The following MYT1L variants were observed in gnomAD, a reference collection of about 807,000 sequenced individuals.
MYT1L encodes myelin transcription factor 1-like protein.
In MYT1L, 12 loss-of-function variants were observed where a neutral mutation model predicts 126.7. The ratio of observed to expected loss-of-function variants is 0.09; its 90% CI spans 0.06 to 0.15. The LOEUF (loss-of-function observed/expected upper bound fraction) is 0.15. Among genes scored for constraint, MYT1L ranks in the 10% least tolerant of loss-of-function variants. The pLI, the probability that MYT1L is intolerant of heterozygous loss-of-function variation, is 1.00. For synonymous variants in MYT1L, 541 were observed against 604.2 expected, an observed-to-expected ratio of 0.90 and a Z score of 1.53; for missense variants, 979 against 1,585.2, an observed-to-expected ratio of 0.62 and a Z score of 6.49.
chr2:2,316,615 C>A (rs2096068442), intron 1 of MYT1L, among the ~76,000 whole-genome samples: 1 of 152,200 alleles, frequency 6.6e-6, no homozygotes, highest in East Asian at 1.9e-4. Flanking sequence ...TGCAGAGCTG[C>A]CACGGCACGT....
rs993346117 is a variant in MYT1L, at chr2:1,790,636, G to A, written c.*1231C>T. The A allele has an allele frequency of 1.3e-5, 2 of 152,020 alleles. No individual in the cohort carries two copies. Among genetic ancestry groups the A allele is most frequent in the Admixed American group, 1.3e-4 (2 of 15,300 alleles). 9.4% of individuals were successfully genotyped at this position (152,020 alleles called of 1,614,324 possible). On this transcript the variant is annotated 3_prime_UTR_variant, in exon 25 of 25. Coordinates refer to ENST00000647738, the MANE Select transcript of MYT1L (RefSeq NM_001303052.2). ...CTCCACCCAAGTGTAGAACAGAAACGTCGTGGTAAGAGTCCTCTGAATAGG... is the reference window on the plus strand; with the variant it reads ...CTCCACCCAAGTGTAGAACAGAAACATCGTGGTAAGAGTCCTCTGAATAGG...
chr2:2,000,607 C>T (rs1032723581), intron 4 of MYT1L, among the ~76,000 whole-genome samples: 4 of 152,158 alleles, frequency 2.6e-5, no homozygotes, highest in South Asian at 2.1e-4. Context: ...CCAATACAGC[C>T]GACTCCACAT....
rs554126661 is a variant in MYT1L at position 2,018,601 on chromosome 2, G to A, written c.-157-21254C>T. Among the ~76,000 whole-genome samples the A allele has an allele frequency of 6.6e-5, 10 of 152,296 alleles. No individual in the cohort carries two copies. The South Asian group carries it at 1.7e-3, about 25-fold the overall frequency. ...GATTCAGCCTTTCCTGCTCTCCGCCGTTTATGGCATGGTGCATGCTGCAAA... is the reference window on the plus strand; with the variant it reads ...GATTCAGCCTTTCCTGCTCTCCGCCATTTATGGCATGGTGCATGCTGCAAA... On this transcript the variant is annotated intron_variant, in intron 4 of 24. Transcript: ENST00000647738.
chr2:1,889,533 A>G lies in MYT1L; in HGVS notation c.2284-56T>C. 1.5e-6 allele frequency: 2 copies of G among 1,377,142 alleles called. No individual in the cohort carries two copies. Among genetic ancestry groups the G allele is most frequent in the Non-Finnish European group, 2.0e-6 (2 of 1,002,536 alleles). The allele number at this position is 1,377,142 out of a possible 1,614,324, so 85.3% of individuals were successfully genotyped here. On this transcript the variant is annotated intron_variant, in intron 15 of 24. Coordinates refer to ENST00000647738, the MANE Select transcript of MYT1L (RefSeq NM_001303052.2). This position sits in a 1 kb window ranked among gnomAD's most constrained non-coding sequence, Gnocchi z 4.1. ...TGGCCCGGCATCTTGTGACACCACG[A>G]GTCCTTCCTCCCAGATTACAGTCCT...
At chr2:1,859,427 T>A (rs1558781202) in intron 18 of MYT1L, among the ~76,000 whole-genome samples, 2 of 152,146 alleles carry the variant, frequency 1.3e-5, no homozygotes, top group Non-Finnish European at 2.9e-5. Flanking sequence ...CAGATGAGAT[T>A]TTGGAATGGG....
intron 2 of MYT1L, among the ~76,000 whole-genome samples, chr2:2,204,976 G>A (rs1276798486): frequency 6.6e-6 from 1 of 151,558 alleles, no homozygotes; most frequent in African/African-American, 2.4e-5. Flanking sequence ...CATGGATGAA[G>A]CTGGAAACCA....
chr2:1,791,310 CA>C lies in MYT1L; in HGVS notation c.*556del. The C allele has an allele frequency of 2.2e-6, 1 of 452,450 alleles. No individual in the cohort carries two copies. Among genetic ancestry groups the C allele is most frequent in the South Asian group, 1.7e-5 (1 of 60,134 alleles). The allele number at this position is 452,450 out of a possible 1,614,324, so 28.0% of individuals were successfully genotyped here. A position where few individuals can be genotyped will look rare whatever the true frequency, so the allele number is the denominator to read the frequency against. On this transcript the variant is annotated 3_prime_UTR_variant, in exon 25 of 25. Coordinates refer to ENST00000647738, the MANE Select transcript of MYT1L (RefSeq NM_001303052.2). The surrounding 1 kb of genome is among the most constrained non-coding windows in gnomAD (Gnocchi z 6.0). ...TCACATAATATTTCCAAGCATTGTT[CA>C]AAAATAAAGCATTTTTGCAACGAAT...
chr2:2,250,704 G>T (rs2094624352), intron 2 of MYT1L, among the ~76,000 whole-genome samples: 1 of 152,006 alleles, frequency 6.6e-6, no homozygotes, highest in South Asian at 2.1e-4. Flanking sequence ...TGAGGGGATG[G>T]ATACCCAATT....
chr2:1,920,746 G>A lies in MYT1L; in HGVS notation c.1483+1540C>T, dbSNP rs535111721. The stretch of plus-strand genomic sequence containing the variant: ...GATAATTTTAGCCCATCTTGTTAAC[G>A]ATGATGGCACTATAATTTTAAACAT... On this transcript the variant is annotated intron_variant, in intron 10 of 24. Coordinates refer to ENST00000647738, the MANE Select transcript of MYT1L (RefSeq NM_001303052.2). Among the ~76,000 whole-genome samples, 7 of 152,296 alleles carry A rather than the reference G, an allele frequency of 4.6e-5. No homozygotes were observed. In the South Asian group the frequency reaches 1.2e-3, roughly 27 times the overall value.
At chr2:2,050,393 G>A (rs915698674) in intron 4 of MYT1L, among the ~76,000 whole-genome samples, 1 of 151,982 alleles carries the variant, frequency 6.6e-6, no homozygotes, top group South Asian at 2.1e-4. Flanking sequence ...GTAGTTTTTC[G>A]GGAAACAGAT....
chr2:1,825,868 T>TTGAGTGTGGATG (rs1282156046), intron 21 of MYT1L: 2 of 152,310 alleles, frequency 1.3e-5, no homozygotes, highest in Non-Finnish European at 2.9e-5. Context: ...CGTGGGCCTC[T>TTGAGTGTGGATG]GTCCTTGAGT....
chr2:2,003,047 A>C (rs1196425223), intron 4 of MYT1L, among the ~76,000 whole-genome samples: 1 of 152,138 alleles, frequency 6.6e-6, no homozygotes, highest in Non-Finnish European at 1.5e-5. Context: ...AGAATGGACT[A>C]ATATACCTTG....
chr2:2,293,692 C>G (rs535959003), intron 1 of MYT1L, among the ~76,000 whole-genome samples: 2 of 152,322 alleles, frequency 1.3e-5, no homozygotes, highest in Admixed American at 1.3e-4. Flanking sequence ...CTGCCCTGGC[C>G]CTTCTGGGAA....
At chr2:2,145,589 A>G (rs1171868868) in intron 3 of MYT1L, among the ~76,000 whole-genome samples, 3 of 151,994 alleles carry the variant, frequency 2.0e-5, no homozygotes, top group African/African-American at 7.3e-5. Context: ...GGTGTGGGAA[A>G]GAAGGGAAGA....
At chr2:2,031,812 G>A (rs547918527) in intron 4 of MYT1L, among the ~76,000 whole-genome samples, 219 of 141,336 alleles carry the variant, frequency 1.5e-3, no homozygotes, top group African/African-American at 5.5e-3. Flanking sequence ...GCCCAGAGCA[G>A]ATTCTAGAAG....
chr2:1,989,383 G>C (rs1293603408), intron 5 of MYT1L, among the ~76,000 whole-genome samples: 1 of 152,088 alleles, frequency 6.6e-6, no homozygotes, highest in Non-Finnish European at 1.5e-5. Context: ...GAGAAACCCA[G>C]CCCAGGAGCT....
In MYT1L at chr2:1,889,330, G is replaced by A. The variant is rs2048543509; in HGVS notation, c.2431C>T (p.Leu811=). The A allele has an allele frequency of 6.2e-7, 1 of 1,613,928 alleles. No individual in the cohort carries two copies. Among genetic ancestry groups the A allele is most frequent in the Non-Finnish European group, 8.5e-7 (1 of 1,179,900 alleles). The change falls in exon 16 of 25, where the codon CTG becomes TTG. Residue 811 remains leucine (L), a synonymous_variant. Transcript: ENST00000647738. This position sits in a 1 kb window ranked among gnomAD's most constrained non-coding sequence, Gnocchi z 4.1. ...QAVMNNRCFQ[L]GEGDCWDLPV... is the part of the protein sequence containing the mutation. ...AAGTCCCAGCAGTCGCCCTCGCCCA[G>A]CTGGAAACACCGGTTGTTCATCACT...
intron 2 of MYT1L, among the ~76,000 whole-genome samples, chr2:2,280,333 C>A (rs1283440612): frequency 1.3e-5 from 2 of 152,150 alleles, no homozygotes; most frequent in African/African-American, 4.8e-5. Context: ...GTTGCCATTG[C>A]TTTAGTTTCT....
At chr2:2,311,542 T>C (rs2095970865) in intron 1 of MYT1L, among the ~76,000 whole-genome samples, 1 of 152,168 alleles carries the variant, frequency 6.6e-6, no homozygotes, top group Admixed American at 6.5e-5. Context: ...ATCTAAAGAA[T>C]GAGAATGATC....
Sources: allele counts gnomAD v4.1 joint callset (sites outside exome capture counted in the v4.1 genomes callset), GRCh38; gene constraint gnomAD v4.1.1; non-coding constraint Gnocchi (gnomAD v3.1); transcripts MANE v1.5; gene names NCBI Gene and HGNC (gene_info 2026-07-23, HGNC 2026-07-21).